PGCKA1: variants seen among roughly 807,000 people sequenced by gnomAD.
PGCKA1 encodes the protein PDCD10 and GCKIII kinases associated 1, also known as PDCD10 and GCKIII kinases-associated protein 1.
chr4:37,475,402 CT>C, the PGCKA1 span, among the ~76,000 whole-genome samples: 16 of 152,136 alleles, frequency 1.1e-4, no homozygotes, highest in Non-Finnish European at 1.6e-4. Context: ...AGAATAAACC[CT>C]TTAAATACAG....
chr4:37,505,286 T>G, the PGCKA1 span, among the ~76,000 whole-genome samples: 1 of 152,246 alleles, frequency 6.6e-6, no homozygotes, highest in South Asian at 2.1e-4. Context: ...TGAAGAATGA[T>G]CTTTTTAATG....
the PGCKA1 span, among the ~76,000 whole-genome samples, chr4:37,546,688 G>A: frequency 2.5e-3 from 384 of 152,306 alleles, 2 homozygotes; most frequent in African/African-American, 8.6e-3. Context: ...TTCCCTGACC[G>A]GGAAGCGAGG....
chr4:37,460,024 C>T, the PGCKA1 span, among the ~76,000 whole-genome samples: 2 of 152,122 alleles, frequency 1.3e-5, no homozygotes, highest in East Asian at 3.9e-4. Flanking sequence ...GTGTGTTGTT[C>T]CCCTCCCTGT....
At chr4:37,540,162 TC>T in the PGCKA1 span, among the ~76,000 whole-genome samples, 1 of 152,236 alleles carries the variant, frequency 6.6e-6, no homozygotes, top group Non-Finnish European at 1.5e-5. Flanking sequence ...TGACCTTTTT[TC>T]CTCTCTTTTT....
At chr4:37,508,792 G>A in the PGCKA1 span, among the ~76,000 whole-genome samples, 3 of 148,412 alleles carry the variant, frequency 2.0e-5, no homozygotes, top group Admixed American at 6.8e-5. Flanking sequence ...AAGTGAACAA[G>A]GGTCTCTGGT....
At chr4:37,575,782 AAGAG>A in the PGCKA1 span, among the ~76,000 whole-genome samples, 1 of 152,074 alleles carries the variant, frequency 6.6e-6, no homozygotes, top group African/African-American at 2.4e-5. Context: ...TATATACAGC[AAGAG>A]AGAGGGATCC....
chr4:37,529,424 G>A, the PGCKA1 span, among the ~76,000 whole-genome samples: 1 of 152,078 alleles, frequency 6.6e-6, no homozygotes, highest in Non-Finnish European at 1.5e-5. Flanking sequence ...TATATTTTAA[G>A]GTTAGGCTAA....
chr4:37,578,101 C>A, the PGCKA1 span, among the ~76,000 whole-genome samples: 20,067 of 152,114 alleles, frequency 0.13, 4,199 homozygotes, highest in African/African-American at 0.44. Flanking sequence ...TGTTTCTTTG[C>A]TGATATTCTG....
At chr4:37,529,237 CAT>C in the PGCKA1 span, among the ~76,000 whole-genome samples, 1 of 152,174 alleles carries the variant, frequency 6.6e-6, no homozygotes, top group Non-Finnish European at 1.5e-5. Context: ...TCCCTGGAAA[CAT>C]ATTGAATTGT....
At chr4:37,562,046 A>T in the PGCKA1 span, among the ~76,000 whole-genome samples, 2 of 152,224 alleles carry the variant, frequency 1.3e-5, no homozygotes, top group African/African-American at 4.8e-5. Context: ...CAAAAAGCAC[A>T]AAATGCAAAC....
chr4:37,559,485 C>G, the PGCKA1 span, among the ~76,000 whole-genome samples: 3 of 150,270 alleles, frequency 2.0e-5, no homozygotes, highest in African/African-American at 7.4e-5. Flanking sequence ...AGGAGATATA[C>G]CTAATGCTAA....
the PGCKA1 span, among the ~76,000 whole-genome samples, chr4:37,521,494 C>T: frequency 6.6e-6 from 1 of 152,150 alleles, no homozygotes; most frequent in Non-Finnish European, 1.5e-5. Context: ...TGTATAGTTT[C>T]CAAAATTGCT....
At chr4:37,516,747 T>C in the PGCKA1 span, among the ~76,000 whole-genome samples, 1 of 152,204 alleles carries the variant, frequency 6.6e-6, no homozygotes, top group Non-Finnish European at 1.5e-5. Context: ...CCTTCCCCTC[T>C]TTAAAAGCAA....
the PGCKA1 span, among the ~76,000 whole-genome samples, chr4:37,564,789 G>C: frequency 6.6e-6 from 1 of 151,788 alleles, no homozygotes; most frequent in Non-Finnish European, 1.5e-5. Context: ...TTAAAGGTGC[G>C]AGCCACTGTG....
At chr4:37,499,918 C>CTTT in the PGCKA1 span, among the ~76,000 whole-genome samples, 3,636 of 79,222 alleles carry the variant, frequency 0.046, 466 homozygotes, top group African/African-American at 0.096. Context: ...GTCTTCCTAA[C>CTTT]TTTTTTTTTT....
At chr4:37,488,299 T>A in the PGCKA1 span, among the ~76,000 whole-genome samples, 1 of 152,206 alleles carries the variant, frequency 6.6e-6, no homozygotes, top group African/African-American at 2.4e-5. Flanking sequence ...TAAGACACAT[T>A]GGCATATGAA....
At chr4:37,526,037 T>C in the PGCKA1 span, among the ~76,000 whole-genome samples, 2 of 152,240 alleles carry the variant, frequency 1.3e-5, no homozygotes, top group Admixed American at 1.3e-4. Context: ...TACATTTGTA[T>C]CATACTGTTT....
At chr4:37,578,218 C>G in the PGCKA1 span, among the ~76,000 whole-genome samples, 1 of 152,166 alleles carries the variant, frequency 6.6e-6, no homozygotes, top group South Asian at 2.1e-4. Flanking sequence ...CTTTATATAT[C>G]TGAATGCTCC....
chr4:37,515,989 T>C, the PGCKA1 span, among the ~76,000 whole-genome samples: 1 of 152,136 alleles, frequency 6.6e-6, no homozygotes, highest in Non-Finnish European at 1.5e-5. Flanking sequence ...TACTTTTTTT[T>C]ATATATAAAA....
Sources: gnomAD v4.1 joint callset for allele counts (sites outside exome capture counted in the v4.1 genomes callset) on GRCh38, gnomAD v4.1.1 for gene constraint, MANE v1.5 for transcripts, NCBI Gene and HGNC (gene_info 2026-07-23, HGNC 2026-07-21) for gene names.